The following GRIN2A variants were observed in gnomAD, a reference collection of about 807,000 sequenced individuals.
GRIN2A encodes the protein glutamate ionotropic receptor NMDA type subunit 2A, also known as glutamate receptor ionotropic, NMDA 2A.
A neutral mutation model predicts 113.4 loss-of-function variants in GRIN2A; 22 were observed. The ratio of observed to expected loss-of-function variants is 0.19; its 90% CI spans 0.14 to 0.28. The LOEUF is 0.28. Ranked by LOEUF, GRIN2A falls within the 10% of genes least tolerant of loss-of-function variation. The pLI is 1.00. For synonymous variants in GRIN2A, 827 were observed against 738.4 expected (o/e 1.12, Z -1.94); for missense variants, 1,502 against 1,887.0 (o/e 0.80, Z 3.78).
At chr16:9,790,529 T>C (rs2141207443) in intron 11 of GRIN2A, among the ~76,000 whole-genome samples, 1 of 152,340 alleles carries the variant, frequency 6.6e-6, no homozygotes, top group Admixed American at 6.5e-5. Flanking sequence ...CTCATATGCA[T>C]ATTGCATATA....
At chr16:9,811,621 A>G (rs544135300) in intron 10 of GRIN2A, among the ~76,000 whole-genome samples, 11 of 152,294 alleles carry the variant, frequency 7.2e-5, no homozygotes, top group Admixed American at 3.3e-4. Flanking sequence ...TTAGCCAGAC[A>G]TGGTGGTGCA....
At chr16:10,060,372 C>T (rs1833881031) in intron 2 of GRIN2A, among the ~76,000 whole-genome samples, 1 of 152,102 alleles carries the variant, frequency 6.6e-6, no homozygotes, top group South Asian at 2.1e-4. Flanking sequence ...TCTGTTTAGC[C>T]CCTACTGTGA....
At chr16:9,873,376 G>A (rs955467565) in intron 4 of GRIN2A, among the ~76,000 whole-genome samples, 1 of 152,156 alleles carries the variant, frequency 6.6e-6, no homozygotes, top group African/African-American at 2.4e-5. Context: ...AAATCTTGCT[G>A]TATTGATTCA....
chr16:9,948,207 T>C (rs552289742), intron 2 of GRIN2A, among the ~76,000 whole-genome samples: 14 of 152,166 alleles, frequency 9.2e-5, no homozygotes, highest in Non-Finnish European at 1.9e-4. Flanking sequence ...GATCTTCAAG[T>C]GCATTTATTT....
intron 2 of GRIN2A, among the ~76,000 whole-genome samples, chr16:10,068,766 G>C (rs1439279574): frequency 1.3e-5 from 2 of 152,182 alleles, no homozygotes; most frequent in African/African-American, 4.8e-5. Flanking sequence ...AAGGACAGAG[G>C]CCAGAGACTA....
chr16:9,959,574 G>A (rs1477959101), intron 2 of GRIN2A, among the ~76,000 whole-genome samples: 3 of 152,230 alleles, frequency 2.0e-5, no homozygotes, highest in Non-Finnish European at 4.4e-5. Flanking sequence ...TATTCCAGGA[G>A]TCGCCGTTCT....
chr16:10,046,289 A>T (rs539420500), intron 2 of GRIN2A, among the ~76,000 whole-genome samples: 2 of 151,744 alleles, frequency 1.3e-5, no homozygotes, highest in Admixed American at 6.6e-5. Flanking sequence ...CACCCTGAGG[A>T]TGCAGCCAAT....
chr16:10,064,471 G>A (rs2047610361), intron 2 of GRIN2A, among the ~76,000 whole-genome samples: 1 of 152,152 alleles, frequency 6.6e-6, no homozygotes, highest in African/African-American at 2.4e-5. Flanking sequence ...AAGATGGACA[G>A]CTTCACTCCA....
intron 9 of GRIN2A, among the ~76,000 whole-genome samples, chr16:9,825,843 C>A (rs370386582): frequency 2.0e-5 from 3 of 152,114 alleles, no homozygotes; most frequent in African/African-American, 7.2e-5. Context: ...CTGGGCTCAT[C>A]CACTGAGAGC....
intron 4 of GRIN2A, among the ~76,000 whole-genome samples, chr16:9,874,106 G>A (rs1202877081): frequency 6.6e-6 from 1 of 152,062 alleles, no homozygotes; most frequent in African/African-American, 2.4e-5. Flanking sequence ...TTCACATCCA[G>A]GGAAGTCAAG....
chr16:10,106,098 T>C (rs2034365), intron 2 of GRIN2A, among the ~76,000 whole-genome samples: 64,293 of 151,900 alleles, frequency 0.42, 13,898 homozygotes, highest in African/African-American at 0.5. Flanking sequence ...AAAAGACTTA[T>C]AGAACTGTGA....
intron 2 of GRIN2A, among the ~76,000 whole-genome samples, chr16:10,003,594 C>T (rs967636357): frequency 1.3e-5 from 2 of 152,194 alleles, no homozygotes; most frequent in African/African-American, 4.8e-5. Flanking sequence ...AAATTGTGCA[C>T]ACTCCCACTT....
intron 2 of GRIN2A, among the ~76,000 whole-genome samples, chr16:9,972,571 TA>T (rs376967118): frequency 6.6e-6 from 1 of 150,608 alleles, no homozygotes; most frequent in Non-Finnish European, 1.5e-5. Context: ...AAGAGGAAAA[TA>T]AAAAAAAGAA....
At chr16:10,161,813 T>C (rs2049814757) in intron 2 of GRIN2A, among the ~76,000 whole-genome samples, 1 of 152,166 alleles carries the variant, frequency 6.6e-6, no homozygotes. Context: ...TTCCTTGGAT[T>C]ACAGCCCCTT....
intron 2 of GRIN2A, among the ~76,000 whole-genome samples, chr16:10,132,340 C>CAAAAAAAAA (rs71402435): frequency 1.5e-4 from 9 of 61,632 alleles, no homozygotes; most frequent in African/African-American, 2.4e-4. Flanking sequence ...GACACCGTCT[C>CAAAAAAAAA]AAAAAAAAAA....
intron 2 of GRIN2A, among the ~76,000 whole-genome samples, chr16:9,964,027 G>A (rs1292723564): frequency 1.3e-5 from 2 of 152,190 alleles, no homozygotes; most frequent in East Asian, 1.9e-4. Flanking sequence ...GTGTCTTGAT[G>A]CACAGCAGGA....
intron 2 of GRIN2A, chr16:10,027,428 C>T (rs893899583): frequency 5.9e-5 from 9 of 152,306 alleles, no homozygotes; most frequent in African/African-American, 2.2e-4. Flanking sequence ...AAGCAACATC[C>T]ACAGCCACAG....
Position 10,180,911 on chromosome 16 carries a change from G to T in GRIN2A, c.-18-482C>A, listed in dbSNP as rs1315161286. ...GAGCGAACTACAGACCCCGCAGGGC[G>T]TGCGGAGGCGGCACCCAGACCCCGC... On this transcript the variant is annotated intron_variant, in intron 1 of 12. Coordinates refer to ENST00000330684, the MANE Select transcript of GRIN2A (RefSeq NM_001134407.3). This position sits in a 1 kb window ranked among gnomAD's most constrained non-coding sequence, Gnocchi z 7.0. The T allele has an allele frequency of 5.3e-6, 1 of 189,906 alleles. No individual in the cohort carries two copies. Among genetic ancestry groups the T allele is most frequent in the African/African-American group, 2.4e-5 (1 of 42,538 alleles). 11.8% of individuals were successfully genotyped at this position (189,906 alleles called of 1,614,324 possible). A position where few individuals can be genotyped will look rare whatever the true frequency, so the allele number is the denominator to read the frequency against.
At chr16:9,854,143 G>A (rs11863969) in intron 4 of GRIN2A, among the ~76,000 whole-genome samples, 513 of 152,190 alleles carry the variant, frequency 3.4e-3, no homozygotes, top group African/African-American at 0.011. Context: ...CATACAGCCT[G>A]TATTTTTTAC....
Sources: allele counts gnomAD v4.1 joint callset (sites outside exome capture counted in the v4.1 genomes callset), GRCh38; gene constraint gnomAD v4.1.1; non-coding constraint Gnocchi (gnomAD v3.1); transcripts MANE v1.5; gene names NCBI Gene and HGNC (gene_info 2026-07-23, HGNC 2026-07-21).